The following FREM1 variants were observed in gnomAD, a reference collection of about 807,000 sequenced individuals.
The protein encoded by FREM1 is FRAS1 related extracellular matrix 1.
A neutral mutation model predicts 210.1 loss-of-function variants in FREM1; 220 were observed. The observed-to-expected ratio is 1.05, with a 90% CI of 0.94 to 1.17. The LOEUF (loss-of-function observed/expected upper bound fraction) is 1.17, where lower values mean the gene tolerates loss of function less well. FREM1 is among the 50% of genes most tolerant of loss of function. FREM1 has a pLI of 0.00. For synonymous variants in FREM1, 1,189 were observed against 980.2 expected, an observed-to-expected ratio of 1.21 and a Z score of -3.98; for missense variants, 3,454 against 2,675.5, an observed-to-expected ratio of 1.29 and a Z score of -6.42.
At chr9:14,763,521 A>T (rs1032626759) in intron 27 of FREM1, among the ~76,000 whole-genome samples, 1 of 152,186 alleles carries the variant, frequency 6.6e-6, no homozygotes, top group Non-Finnish European at 1.5e-5. Context: ...AAGCTGGTTC[A>T]ATGTGAAGAT....
chr9:14,828,611 T>C (rs10961735), intron 10 of FREM1, among the ~76,000 whole-genome samples: 28,924 of 135,398 alleles, frequency 0.21, 3,603 homozygotes, highest in African/African-American at 0.35. Context: ...TAGTATATTT[T>C]GTATGGGAGA....
At chr9:14,838,905 G>A (rs1045597035) in intron 10 of FREM1, among the ~76,000 whole-genome samples, 2 of 152,170 alleles carry the variant, frequency 1.3e-5, no homozygotes, top group Non-Finnish European at 2.9e-5. Context: ...GTGGAATGGG[G>A]TCGTCAGAGG....
At chr9:14,856,721 T>C (rs973501737) in intron 5 of FREM1, among the ~76,000 whole-genome samples, 2 of 151,474 alleles carry the variant, frequency 1.3e-5, no homozygotes, top group African/African-American at 4.9e-5. Flanking sequence ...TAGTCCCAGC[T>C]ACTCGGGAGG....
intron 5 of FREM1, among the ~76,000 whole-genome samples, chr9:14,854,884 C>T (rs528180883): frequency 7.2e-5 from 11 of 152,118 alleles, no homozygotes; most frequent in Admixed American, 5.2e-4. Context: ...AAGGAAACTA[C>T]GAACTTTACA....
intron 27 of FREM1, among the ~76,000 whole-genome samples, chr9:14,761,500 T>G (rs1478790692): frequency 6.6e-6 from 1 of 152,214 alleles, no homozygotes; most frequent in Non-Finnish European, 1.5e-5. Context: ...GCAACTGAAT[T>G]TAAATCTCGC....
rs1824669540 is a variant in FREM1 at position 14,836,653 on chromosome 9, T to C, written c.1881+4794A>G. 6.6e-6 allele frequency among the ~76,000 whole-genome samples: 1 copy of C among 152,238 alleles called. No homozygotes were observed. Among genetic ancestry groups the C allele is most frequent in the Non-Finnish European group, 1.5e-5 (1 of 68,040 alleles). ...TTTGGACGTTGTATATTCAGTACTA[T>C]GACTCAAATTGTTTCTTCTCGCCTA... On this transcript the variant is annotated intron_variant, in intron 10 of 36. Transcript: ENST00000380880. This position sits in a 1 kb window ranked among gnomAD's most constrained non-coding sequence, Gnocchi z 4.9.
chr9:14,827,749 G>T (rs1822747668), intron 10 of FREM1, among the ~76,000 whole-genome samples: 1 of 152,180 alleles, frequency 6.6e-6, no homozygotes, highest in Admixed American at 6.5e-5. Context: ...GAATGCCAGG[G>T]CCTTGAGGAC....
intron 30 of FREM1, among the ~76,000 whole-genome samples, chr9:14,749,116 C>T (rs1200049319): frequency 1.3e-5 from 2 of 152,036 alleles, no homozygotes; most frequent in East Asian, 3.9e-4. Flanking sequence ...AACAAAGACC[C>T]AGTAAATCTT....
In FREM1 at chr9:14,901,203, A is replaced by T. The variant is rs146423076; in HGVS notation, c.-268+8711T>A. Among the ~76,000 whole-genome samples, 52 of 152,356 alleles carry T rather than the reference A, an allele frequency of 3.4e-4. No homozygotes were observed. In the East Asian group the frequency reaches 8.9e-3, roughly 26 times the overall value. On this transcript the variant is annotated intron_variant, in intron 1 of 36. Transcript: ENST00000380880. Reference sequence around the variant, plus strand: ...ATGTAATAGATCTCTCTAAAACCATAAAATGCAAAATCATTATTGAGCACA... The same window carrying T: ...ATGTAATAGATCTCTCTAAAACCATTAAATGCAAAATCATTATTGAGCACA...
At chr9:14,757,199 G>A (rs991600725) in intron 28 of FREM1, among the ~76,000 whole-genome samples, 7 of 152,162 alleles carry the variant, frequency 4.6e-5, no homozygotes, top group Non-Finnish European at 8.8e-5. Context: ...CCAAAGAGGC[G>A]ATTTTAGCGC....
At chr9:14,847,400 AGAAG>A (rs1348075386) in intron 7 of FREM1, among the ~76,000 whole-genome samples, 1 of 34,812 alleles carries the variant, frequency 2.9e-5, no homozygotes, top group African/African-American at 9.6e-5. Flanking sequence ...AGAGAGAAAA[AGAAG>A]GAAGGAAGGA....
intron 27 of FREM1, among the ~76,000 whole-genome samples, chr9:14,761,280 C>T (rs1326064571): frequency 6.6e-6 from 1 of 152,114 alleles, no homozygotes; most frequent in African/African-American, 2.4e-5. Context: ...AGTGTAGGTT[C>T]ATAGCTGAGC....
chr9:14,901,297 C>T (rs1283429796), intron 1 of FREM1, among the ~76,000 whole-genome samples: 1 of 152,200 alleles, frequency 6.6e-6, no homozygotes, highest in Non-Finnish European at 1.5e-5. Flanking sequence ...ACCTTCTGAT[C>T]TGTAAATTAA....
intron 2 of FREM1, among the ~76,000 whole-genome samples, chr9:14,867,999 T>C (rs1287029022): frequency 6.6e-6 from 1 of 152,124 alleles, no homozygotes; most frequent in Non-Finnish European, 1.5e-5. Flanking sequence ...AATATAAAGG[T>C]CTCCAAGATT....
At chr9:14,788,662 A>C (rs1322113612) in intron 23 of FREM1, among the ~76,000 whole-genome samples, 1 of 152,218 alleles carries the variant, frequency 6.6e-6, no homozygotes, top group South Asian at 2.1e-4. Flanking sequence ...CTGTATAGCC[A>C]TATTGTGTGC....
chr9:14,832,934 G>C (rs200980205), intron 10 of FREM1, among the ~76,000 whole-genome samples: 1 of 152,168 alleles, frequency 6.6e-6, no homozygotes, highest in Non-Finnish European at 1.5e-5. Flanking sequence ...TGCAGGCCCA[G>C]GACCCCATAG....
At chr9:14,755,680 TTTC>T (rs1163672682) in intron 29 of FREM1, among the ~76,000 whole-genome samples, 3 of 152,124 alleles carry the variant, frequency 2.0e-5, no homozygotes, top group Non-Finnish European at 4.4e-5. Context: ...ATCCTGGAGT[TTTC>T]TTCTTCATCT....
intron 1 of FREM1, among the ~76,000 whole-genome samples, chr9:14,876,051 A>G (rs1020761575): frequency 1.3e-5 from 2 of 152,118 alleles, no homozygotes; most frequent in Admixed American, 6.5e-5. Flanking sequence ...GTCTCAGAGG[A>G]GTACCCGGCC....
At chr9:14,885,124 C>A (rs909085966) in intron 1 of FREM1, among the ~76,000 whole-genome samples, 1 of 151,456 alleles carries the variant, frequency 6.6e-6, no homozygotes, top group African/African-American at 2.4e-5. Flanking sequence ...TGGGGTTTCA[C>A]CGTGTTAGCC....
Sources: allele counts gnomAD v4.1 joint callset (sites outside exome capture counted in the v4.1 genomes callset), GRCh38; gene constraint gnomAD v4.1.1; non-coding constraint Gnocchi (gnomAD v3.1); transcripts MANE v1.5; gene names NCBI Gene and HGNC (gene_info 2026-07-23, HGNC 2026-07-21).